Variants in LYPD4 observed in about 807,000 individuals in gnomAD.
The protein encoded by LYPD4 is ly6/PLAUR domain-containing protein 4.
In LYPD4, 20 loss-of-function variants were observed where a neutral mutation model predicts 18.2. The observed-to-expected ratio is 1.10, with a 90% confidence interval of 0.77 to 1.59. The LOEUF is 1.59. Ranked by LOEUF, LYPD4 falls within the 40% of genes most tolerant of loss-of-function variation. The probability of loss-of-function intolerance (pLI) is 0.00; values close to 1 mark genes in which losing one functional copy is unlikely to be tolerated. For synonymous variants in LYPD4, 111 were observed against 118.3 expected (o/e 0.94, Z 0.40); for missense variants, 278 against 300.3 (o/e 0.93, Z 0.55).
intron 1 of LYPD4, among the ~76,000 whole-genome samples, chr19:41,843,030 G>A (rs530166737): frequency 9.6e-5 from 5 of 52,114 alleles, no homozygotes; most frequent in Admixed American, 2.8e-4. Context: ...AAACCCCATC[G>A]CTAAAAAAAA....
In LYPD4 at chr19:41,838,041, G is replaced by A. The variant is rs1189567197; in HGVS notation, c.432C>T (p.Thr144=). 3.7e-6 allele frequency: 6 copies of A among 1,614,076 alleles called. No individual in the cohort carries two copies. The highest frequency in any genetic ancestry group is 1.3e-5 in the African/African-American group (1 of 74,922). The change falls in exon 4 of 5, where the codon ACC becomes ACT. Residue 144 remains threonine (T), a synonymous_variant. Coordinates refer to ENST00000609812, the MANE Select transcript of LYPD4 (RefSeq NM_173506.7). Reference sequence around the variant, plus strand: ...AATCCTTCATGTGCTCGCCCACACAGGTCGGGCAGCTACAGGACGCAGATG... The same window carrying A: ...AATCCTTCATGTGCTCGCCCACACAAGTCGGGCAGCTACAGGACGCAGATG... ...SITSASCSCP[T]CVGEHMKDCL...
downstream of LYPD4, chr19:41,835,939 AT>A: frequency 1.8e-6 from 1 of 558,680 alleles, no homozygotes; most frequent in African/African-American, 2.0e-5. Context: ...TGCACAGAAA[AT>A]GCCTAACCCA....
At chr19:41,835,958 G>T (rs2073365702), downstream of LYPD4, 1 of 321,740 alleles carries the variant, frequency 3.1e-6, no homozygotes, top group South Asian at 1.2e-4. Flanking sequence ...CCACAGTAAA[G>T]GTACCCTACG....
chr19:41,838,970 G>A lies in LYPD4; in HGVS notation c.122C>T (p.Ala41Val). Residue 41 changes from alanine to valine, a missense_variant, in exon 3 of 5, where the codon GCT becomes GTT. Transcript: ENST00000609812. ...CAGAAGCCACTTCCAGTTATGGAAA[G>A]CAACAGCTCTGAATCTTGAGGCTGT... ...EATASRFRAV[A>V]FHNWKWLLMR... 1.2e-6 allele frequency: 2 copies of A among 1,613,946 alleles called. No individual in the cohort carries two copies. Among genetic ancestry groups the A allele is most frequent in the Non-Finnish European group, 1.7e-6 (2 of 1,179,998 alleles).
intron 3 of LYPD4, among the ~76,000 whole-genome samples, chr19:41,838,615 C>A (rs1221702218): frequency 6.6e-6 from 1 of 152,074 alleles, no homozygotes; most frequent in African/African-American, 2.4e-5. Context: ...TAAATGATGG[C>A]CAGGCACAGT....
intron 1 of LYPD4, among the ~76,000 whole-genome samples, chr19:41,841,923 C>T (rs2073608223): frequency 6.6e-6 from 1 of 152,034 alleles, no homozygotes; most frequent in Non-Finnish European, 1.5e-5. Flanking sequence ...GATCTCAGGC[C>T]CAAAGCAGCA....
At chr19:41,841,537 G>A (rs561370085) in intron 1 of LYPD4, among the ~76,000 whole-genome samples, 10 of 151,396 alleles carry the variant, frequency 6.6e-5, no homozygotes, top group Non-Finnish European at 1.0e-4. Context: ...GTGGTGGTAC[G>A]TGCCTGCAGT....
downstream of LYPD4, chr19:41,835,133 A>G (rs1476157945): frequency 6.6e-6 from 1 of 152,246 alleles, no homozygotes; most frequent in African/African-American, 2.4e-5. Flanking sequence ...ATGACAAAGT[A>G]TATAAAAATC....
intron 1 of LYPD4, among the ~76,000 whole-genome samples, chr19:41,840,649 G>A (rs2073553563): frequency 6.6e-6 from 1 of 151,556 alleles, no homozygotes; most frequent in African/African-American, 2.4e-5. Context: ...TGGCTAACAC[G>A]GTGAAACCCC....
chr19:41,841,562 A>T (rs1209688420), intron 1 of LYPD4, among the ~76,000 whole-genome samples: 1 of 149,230 alleles, frequency 6.7e-6, no homozygotes, highest in Non-Finnish European at 1.5e-5. Context: ...GCTACTAGGG[A>T]GGCTGAGGAG....
At chr19:41,838,836 A>G in intron 3 of LYPD4, 45 bp downstream of exon 3, 1 of 1,605,680 alleles carries the variant, frequency 6.2e-7, no homozygotes, top group Non-Finnish European at 8.5e-7. Flanking sequence ...GCTGGGGGTC[A>G]GAAGAGCAAG....
chr19:41,839,572 T>C (rs1266691832), intron 1 of LYPD4, 167 bp from the exon 2 acceptor site: 10 of 468,808 alleles, frequency 2.1e-5, no homozygotes, highest in East Asian at 1.8e-4. Flanking sequence ...GGTCCTCCCA[T>C]TGGACAAGGT....
chr19:41,843,078 C>CAAAAAAAAAAAAAAA (rs2073693023), intron 1 of LYPD4, among the ~76,000 whole-genome samples: 1 of 9,110 alleles, frequency 1.1e-4, no homozygotes, highest in Non-Finnish European at 2.0e-4. Flanking sequence ...AAAAAAAAAA[C>CAAAAAAAAAAAAAAA]CCCAACAACA....
intron 3 of LYPD4, 112 bp downstream of exon 3, chr19:41,838,769 A>G (rs2073467394): frequency 4.5e-6 from 3 of 670,928 alleles, no homozygotes; most frequent in African/African-American, 1.9e-5. Flanking sequence ...ATATATATAT[A>G]TATGTATAGT....
downstream of LYPD4, among the ~76,000 whole-genome samples, chr19:41,836,732 G>A (rs1174820513): frequency 6.8e-6 from 1 of 147,280 alleles, no homozygotes; most frequent in Non-Finnish European, 1.5e-5. Flanking sequence ...AGACCCCCAT[G>A]TCAAAAAAAG....
At chr19:41,837,784 G>A (rs10404939) in intron 4 of LYPD4, 151 bp downstream of exon 4, 393,223 of 800,050 alleles carry the variant, frequency 0.49, 101,038 homozygotes, top group South Asian at 0.58. Flanking sequence ...GGCACCAGGC[G>A]CCTTCCCCTT....
At chr19:41,839,997 C>T (rs1392247295) in intron 1 of LYPD4, among the ~76,000 whole-genome samples, 3 of 150,942 alleles carry the variant, frequency 2.0e-5, no homozygotes, top group African/African-American at 7.3e-5. Flanking sequence ...TGCAGTGAAC[C>T]GAGATCGCGC....
At chr19:41,841,530 G>A (rs563188750) in intron 1 of LYPD4, among the ~76,000 whole-genome samples, 1 of 151,782 alleles carries the variant, frequency 6.6e-6, no homozygotes, top group Admixed American at 6.6e-5. Flanking sequence ...GCCCGGTGTG[G>A]TGGTACGTGC....
At chr19:41,838,334 T>A (rs1555831637) in intron 3 of LYPD4, 73 bp from the exon 4 acceptor site, 1 of 1,315,310 alleles carries the variant, frequency 7.6e-7, no homozygotes, top group Non-Finnish European at 1.0e-6. Flanking sequence ...TCCCCCCAGC[T>A]CTTTCTGCAC....
Sources: gnomAD v4.1 joint callset for allele counts (sites outside exome capture counted in the v4.1 genomes callset) on GRCh38, gnomAD v4.1.1 for gene constraint, MANE v1.5 for transcripts, NCBI Gene and HGNC (gene_info 2026-07-23, HGNC 2026-07-21) for gene names.